Variants in UCN observed in about 807,000 individuals in gnomAD.
The protein encoded by UCN is urocortin, also known as prepro-urocortin.
Under a neutral mutation model 6.5 loss-of-function variants are expected in UCN, and 5 were observed. The ratio of observed to expected loss-of-function variants is 0.77; its 90% CI spans 0.40 to 1.62. The LOEUF (loss-of-function observed/expected upper bound fraction) is 1.62, where lower values mean the gene tolerates loss of function less well. Among genes scored for constraint, UCN ranks in the 40% most tolerant of loss-of-function variants. UCN has a pLI of 0.02. For missense variants in UCN, 195 were observed against 188.8 expected, an observed-to-expected ratio of 1.03 and a Z score of -0.19; for synonymous variants, 95 against 96.4, an observed-to-expected ratio of 0.99 and a Z score of 0.09.
Position 27,307,626 on chromosome 2 carries a change from G to A in UCN, c.270C>T (p.Asp90=). The A allele has an allele frequency of 6.2e-7, 1 of 1,612,332 alleles. No individual in the cohort carries two copies. The highest frequency in any genetic ancestry group is 8.5e-7 in the Non-Finnish European group (1 of 1,179,828). The stretch of plus-strand genomic sequence containing the variant: ...GGGTCCGCAGCAGGTGAAAGGTGAG[G>A]TCAATGGACAGAGAAGGGTTGTCCC... ...PRRDNPSLSI[D]LTFHLLRTLL... The change falls in exon 2 of 2, where the codon GAC becomes GAT. Residue 90 remains aspartate, a synonymous_variant. Transcript: ENST00000296099. This position sits in a 1 kb window ranked among gnomAD's most constrained non-coding sequence, Gnocchi z 6.9.
rs757696883 is a variant in UCN at position 27,307,739 on chromosome 2, C to T, written c.157G>A (p.Ala53Thr). The T allele has an allele frequency of 1.5e-5, 22 of 1,508,572 alleles. No individual in the cohort carries two copies. The African/African-American group carries it at 3.0e-4, about 21-fold the overall frequency. The allele number at this position is 1,508,572 out of a possible 1,614,324, so 93.4% of individuals were successfully genotyped here. A position where few individuals can be genotyped will look rare whatever the true frequency, so the allele number is the denominator to read the frequency against. ...GARNQGGGAR[A>T]LLLLLAERFP... ...CGCTCCGCCAGCAGCAAGAGGAGCG[C>T]GCGGGCCCCGCCACCCTGGTTCCGT... The change falls in exon 2 of 2, where the codon GCG (alanine) becomes ACG (threonine). Residue 53 changes from alanine (A) to threonine (T), a missense_variant. By Grantham distance (58) the Ala-to-Thr change is moderately conservative. Coordinates refer to ENST00000296099, the MANE Select transcript of UCN (RefSeq NM_003353.4). The surrounding 1 kb of genome is among the most constrained non-coding windows in gnomAD (Gnocchi z 6.9).
Position 27,308,061 on chromosome 2 carries a change from T to G in UCN, c.-14+99A>C. On this transcript the variant is annotated intron_variant, in intron 1 of 1. Transcript: ENST00000296099. This position sits in a 1 kb window ranked among gnomAD's most constrained non-coding sequence, Gnocchi z 4.2. ...CAGCCACTGCGCCAGTGCTGTTCCA[T>G]CCCTTCCACCCAGCCTCCCTCCCCG... 1.5e-6 allele frequency: 1 copy of G among 655,822 alleles called. No individual in the cohort carries two copies. 40.6% of individuals were successfully genotyped at this position (655,822 alleles called of 1,614,324 possible).
chr2:27,307,792 T>C lies in UCN; in HGVS notation c.104A>G (p.Asp35Gly). 1 of 1,510,044 alleles carries C rather than the reference T, an allele frequency of 6.6e-7. No individual in the cohort carries two copies. The allele number at this position is 1,510,044 out of a possible 1,614,324, so 93.5% of individuals were successfully genotyped here. A position where few individuals can be genotyped will look rare whatever the true frequency, so the allele number is the denominator to read the frequency against. Reference protein sequence around the residue: ...QRSPEAAGVQDPSLRWSPGAR... With the variant: ...QRSPEAAGVQGPSLRWSPGAR... ...CCCGGGGCTCCAGCGCAGACTCGGGTCCTGGACCCCGGCCGCCTCGGGGCT... is the reference window on the plus strand; with the variant it reads ...CCCGGGGCTCCAGCGCAGACTCGGGCCCTGGACCCCGGCCGCCTCGGGGCT... The change falls in exon 2 of 2, where the codon GAC (aspartate) becomes GGC (glycine). Residue 35 changes from aspartate (D) to glycine (G), a missense_variant. Physicochemically the swap from Asp to Gly is moderately conservative, Grantham distance 94. Coordinates refer to ENST00000296099, the MANE Select transcript of UCN (RefSeq NM_003353.4). This position sits in a 1 kb window ranked among gnomAD's most constrained non-coding sequence, Gnocchi z 6.9.
chr2:27,307,780 C>T lies in UCN; in HGVS notation c.116G>A (p.Arg39His). 1 of 1,512,148 alleles carries T rather than the reference C, an allele frequency of 6.6e-7. No homozygotes were observed. Among genetic ancestry groups the T allele is most frequent in the Non-Finnish European group, 8.8e-7 (1 of 1,133,932 alleles). 93.7% of individuals were successfully genotyped at this position (1,512,148 alleles called of 1,614,324 possible). Reference sequence around the variant, plus strand: ...CTGGTTCCGTGCCCCGGGGCTCCAGCGCAGACTCGGGTCCTGGACCCCGGC... The same window carrying T: ...CTGGTTCCGTGCCCCGGGGCTCCAGTGCAGACTCGGGTCCTGGACCCCGGC... Reference protein sequence around the residue: ...EAAGVQDPSLRWSPGARNQGG... With the variant: ...EAAGVQDPSLHWSPGARNQGG... The change falls in exon 2 of 2, where the codon CGC becomes CAC. Residue 39 changes from arginine (R) to histidine (H), a missense_variant. By Grantham distance (29) the Arg-to-His change is conservative (BLOSUM62 0). Transcript: ENST00000296099. This position sits in a 1 kb window ranked among gnomAD's most constrained non-coding sequence, Gnocchi z 6.9.
Position 27,307,864 on chromosome 2 carries a change from GCCAGCA to G in UCN, c.26_31del (p.Leu9_Ala11delinsPro). 1 of 1,488,694 alleles carries G rather than the reference GCCAGCA, an allele frequency of 6.7e-7. No individual in the cohort carries two copies. The highest frequency in any genetic ancestry group is 1.3e-5 in the South Asian group (1 of 79,328). 92.2% of individuals were successfully genotyped at this position (1,488,694 alleles called of 1,614,324 possible). A position where few individuals can be genotyped will look rare whatever the true frequency, so the allele number is the denominator to read the frequency against. Reference sequence around the variant, plus strand: ...CAGCTGTACCAGGAGCAGCAGCGCGGCCAGCAGCGCTGCGCGTCCCGCCTGCCTCAT... The same window carrying G: ...CAGCTGTACCAGGAGCAGCAGCGCGGGCGCTGCGCGTCCCGCCTGCCTCAT... On this transcript the variant is annotated inframe_deletion, in exon 2 of 2. Transcript: ENST00000296099. This position sits in a 1 kb window ranked among gnomAD's most constrained non-coding sequence, Gnocchi z 6.9.
rs1679282463 is a variant in UCN, at chr2:27,307,854, C to T, written c.42G>A (p.Leu14=). Residue 14 remains leucine (L), a synonymous_variant, in exon 2 of 2, where the codon CTG becomes CTA. Transcript: ENST00000296099. This position sits in a 1 kb window ranked among gnomAD's most constrained non-coding sequence, Gnocchi z 6.9. ...TCCCAGGGCACAGCTGTACCAGGAGCAGCAGCGCGGCCAGCAGCGCTGCGC... is the reference window on the plus strand; with the variant it reads ...TCCCAGGGCACAGCTGTACCAGGAGTAGCAGCGCGGCCAGCAGCGCTGCGC... The part of the protein sequence containing the change: ...AGRAALLAAL[L]LLVQLCPGSS... The T allele has an allele frequency of 6.7e-7, 1 of 1,493,228 alleles. No homozygotes were observed. Among genetic ancestry groups the T allele is most frequent in the Admixed American group, 2.2e-5 (1 of 44,748 alleles). 92.5% of individuals were successfully genotyped at this position (1,493,228 alleles called of 1,614,324 possible).
At position 27,307,744 on chromosome 2, in the gene UCN, G is replaced by A; in HGVS notation, c.152C>T (p.Ala51Val). The change falls in exon 2 of 2, where the codon GCC (alanine) becomes GTC (valine). Residue 51 changes from alanine (A) to valine (V), a missense_variant. Transcript: ENST00000296099. The surrounding 1 kb of genome is among the most constrained non-coding windows in gnomAD (Gnocchi z 6.9). ...SPGARNQGGG[A>V]RALLLLLAER... ...CGCCAGCAGCAAGAGGAGCGCGCGG[G>A]CCCCGCCACCCTGGTTCCGTGCCCC... 6.6e-7 allele frequency: 1 copy of A among 1,510,176 alleles called. No individual in the cohort carries two copies. The highest frequency in any genetic ancestry group is 1.3e-5 in the South Asian group (1 of 78,690). The allele number at this position is 1,510,176 out of a possible 1,614,324, so 93.5% of individuals were successfully genotyped here. A position where few individuals can be genotyped will look rare whatever the true frequency, so the allele number is the denominator to read the frequency against.
chr2:27,307,692 G>A lies in UCN; in HGVS notation c.204C>T (p.Pro68=), dbSNP rs1679271966. ...LAERFPRRAG[P]GRLGLGTAGE... ...CTGCCGTCCCGAGTCCCAATCGGCC[G>A]GGCCCCGCGCGGCGCGGGAAGCGCT... Residue 68 remains proline (P), a synonymous_variant, in exon 2 of 2, where the codon CCC becomes CCT. Transcript: ENST00000296099. This position sits in a 1 kb window ranked among gnomAD's most constrained non-coding sequence, Gnocchi z 6.9. 1.9e-6 allele frequency: 3 copies of A among 1,577,054 alleles called. No homozygotes were observed. Among genetic ancestry groups the A allele is most frequent in the East Asian group, 4.8e-5 (2 of 41,944 alleles).
Position 27,307,437 on chromosome 2 carries a change from A to G in UCN, c.*84T>C. 6.3e-7 allele frequency: 1 copy of G among 1,585,074 alleles called. No individual in the cohort carries two copies. The highest frequency in any genetic ancestry group is 8.6e-7 in the Non-Finnish European group (1 of 1,166,790). ...CTTTTATTAAAAAATAGTCACGCAGACAGTGCCCTGGTGGCTCTGCCCCGC... is the reference window on the plus strand; with the variant it reads ...CTTTTATTAAAAAATAGTCACGCAGGCAGTGCCCTGGTGGCTCTGCCCCGC... On this transcript the variant is annotated 3_prime_UTR_variant, in exon 2 of 2. Coordinates refer to ENST00000296099, the MANE Select transcript of UCN (RefSeq NM_003353.4). The surrounding 1 kb of genome is among the most constrained non-coding windows in gnomAD (Gnocchi z 6.9).
rs1679294914 is a variant in UCN, at chr2:27,308,157, C to T, written c.-14+3G>A. On this transcript the variant is annotated splice_donor_region_variant and intron_variant, in intron 1 of 1. Transcript: ENST00000296099. The surrounding 1 kb of genome is among the most constrained non-coding windows in gnomAD (Gnocchi z 4.2). The stretch of plus-strand genomic sequence containing the variant: ...GGCTGGGCGGACGCTCTGAGCCACT[C>T]ACAGGTTGTCGGCGAGCGTCTGTAC... 2 of 378,936 alleles carry T rather than the reference C, an allele frequency of 5.3e-6. No individual in the cohort carries two copies. The allele number at this position is 378,936 out of a possible 1,614,324, so 23.5% of individuals were successfully genotyped here.
rs1679300405 is a variant in UCN, at chr2:27,308,334, C to G, written c.-188G>C. 1 of 157,056 alleles carries G rather than the reference C, an allele frequency of 6.4e-6. No individual in the cohort carries two copies. Among genetic ancestry groups the G allele is most frequent in the Non-Finnish European group, 1.4e-5 (1 of 71,490 alleles). 9.7% of individuals were successfully genotyped at this position (157,056 alleles called of 1,614,324 possible). A position where few individuals can be genotyped will look rare whatever the true frequency, so the allele number is the denominator to read the frequency against. ...GAAGAACATGCACTGATTGTAGAAG[C>G]AATGACAGCCACAGCTTCGAGTCTG... On this transcript the variant is annotated 5_prime_UTR_variant, in exon 1 of 2. Transcript: ENST00000296099. The surrounding 1 kb of genome is among the most constrained non-coding windows in gnomAD (Gnocchi z 4.2).
rs928266197 is a variant in UCN at position 27,307,928 on chromosome 2, G to A, written c.-13-20C>T. The A allele has an allele frequency of 5.0e-6, 7 of 1,386,914 alleles. No homozygotes were observed. In the Admixed American group the frequency reaches 2.1e-4, roughly 41 times the overall value. 85.9% of individuals were successfully genotyped at this position (1,386,914 alleles called of 1,614,324 possible). ...CCGGCCCTGGACACACAGGGGCAGC[G>A]CAGGGTGAGGTGCGCCTGGGACAGC... On this transcript the variant is annotated intron_variant, in intron 1 of 1. Coordinates refer to ENST00000296099, the MANE Select transcript of UCN (RefSeq NM_003353.4). This position sits in a 1 kb window ranked among gnomAD's most constrained non-coding sequence, Gnocchi z 6.9.
Position 27,307,805 on chromosome 2 carries a change from C to T in UCN, c.91G>A (p.Ala31Thr). The change falls in exon 2 of 2, where the codon GCC (alanine) becomes ACC (threonine). Residue 31 changes from alanine (A) to threonine (T), a missense_variant. Transcript: ENST00000296099. This position sits in a 1 kb window ranked among gnomAD's most constrained non-coding sequence, Gnocchi z 6.9. ...CGCAGACTCGGGTCCTGGACCCCGG[C>T]CGCCTCGGGGCTCCTCTGGCTGCTC... ...PGSSQRSPEA[A>T]GVQDPSLRWS... is the part of the protein sequence containing the mutation. 1.3e-6 allele frequency: 2 copies of T among 1,507,270 alleles called. No homozygotes were observed. The highest frequency in any genetic ancestry group is 1.5e-5 in the African/African-American group (1 of 68,812). The allele number at this position is 1,507,270 out of a possible 1,614,324, so 93.4% of individuals were successfully genotyped here. A position where few individuals can be genotyped will look rare whatever the true frequency, so the allele number is the denominator to read the frequency against.
rs755079979 is a variant in UCN at position 27,307,620 on chromosome 2, G to A, written c.276C>T (p.Thr92=). 4.3e-6 allele frequency: 7 copies of A among 1,612,440 alleles called. No individual in the cohort carries two copies. The highest frequency in any genetic ancestry group is 5.9e-6 in the Non-Finnish European group (7 of 1,179,872). The change falls in exon 2 of 2, where the codon ACC becomes ACT. Residue 92 remains threonine, a synonymous_variant. Transcript: ENST00000296099. This position sits in a 1 kb window ranked among gnomAD's most constrained non-coding sequence, Gnocchi z 6.9. ...RDNPSLSIDL[T]FHLLRTLLEL... ...CCAGCAGGGTCCGCAGCAGGTGAAA[G>A]GTGAGGTCAATGGACAGAGAAGGGT...
chr2:27,307,890 C>T lies in UCN; in HGVS notation c.6G>A (p.Arg2=). The T allele has an allele frequency of 2.0e-6, 3 of 1,471,080 alleles. 1 individual carries two copies. The South Asian group carries it at 3.9e-5, about 19-fold the overall frequency. The allele number at this position is 1,471,080 out of a possible 1,614,324, so 91.1% of individuals were successfully genotyped here. ...CCAGCAGCGCTGCGCGTCCCGCCTG[C>T]CTCATGGTGCCGCCGGCCCTGGACA... is the stretch of plus-strand genomic sequence containing the variant. The part of the protein sequence containing the change: M[R]QAGRAALLAA... The change falls in exon 2 of 2, where the codon AGG becomes AGA. Residue 2 remains arginine (R), a synonymous_variant. Coordinates refer to ENST00000296099, the MANE Select transcript of UCN (RefSeq NM_003353.4). This position sits in a 1 kb window ranked among gnomAD's most constrained non-coding sequence, Gnocchi z 6.9.
Position 27,308,095 on chromosome 2 carries a change from T to C in UCN, c.-14+65A>G. Reference sequence around the variant, plus strand: ...CCCAGCCTCCCTCCCCGGAGGAGCGTGGTGGCTGAGCTGAGCGGAGTCCTG... The same window carrying C: ...CCCAGCCTCCCTCCCCGGAGGAGCGCGGTGGCTGAGCTGAGCGGAGTCCTG... On this transcript the variant is annotated intron_variant, in intron 1 of 1. Transcript: ENST00000296099. This position sits in a 1 kb window ranked among gnomAD's most constrained non-coding sequence, Gnocchi z 4.2. The C allele has an allele frequency of 5.8e-6, 3 of 515,560 alleles. No individual in the cohort carries two copies. The highest frequency in any genetic ancestry group is 9.2e-6 in the Non-Finnish European group (3 of 324,344). 31.9% of individuals were successfully genotyped at this position (515,560 alleles called of 1,614,324 possible). A position where few individuals can be genotyped will look rare whatever the true frequency, so the allele number is the denominator to read the frequency against.
Position 27,307,727 on chromosome 2 carries a change from G to T in UCN, c.169C>A (p.Leu57Met), listed in dbSNP as rs756662446. ...QGGGARALLLLLAERFPRRAG... is the reference protein window; with the variant it reads ...QGGGARALLLMLAERFPRRAG... Reference sequence around the variant, plus strand: ...CGGCGCGGGAAGCGCTCCGCCAGCAGCAAGAGGAGCGCGCGGGCCCCGCCA... The same window carrying T: ...CGGCGCGGGAAGCGCTCCGCCAGCATCAAGAGGAGCGCGCGGGCCCCGCCA... The change falls in exon 2 of 2, where the codon CTG becomes ATG. Residue 57 changes from leucine to methionine, a missense_variant. By Grantham distance (15) the Leu-to-Met change is conservative (BLOSUM62 2). Coordinates refer to ENST00000296099, the MANE Select transcript of UCN (RefSeq NM_003353.4). This position sits in a 1 kb window ranked among gnomAD's most constrained non-coding sequence, Gnocchi z 6.9. The T allele has an allele frequency of 2.0e-6, 3 of 1,518,984 alleles. No individual in the cohort carries two copies. The highest frequency in any genetic ancestry group is 1.3e-5 in the South Asian group (1 of 79,812). The allele number at this position is 1,518,984 out of a possible 1,614,324, so 94.1% of individuals were successfully genotyped here. A position where few individuals can be genotyped will look rare whatever the true frequency, so the allele number is the denominator to read the frequency against.
chr2:27,307,796 G>A lies in UCN; in HGVS notation c.100C>T (p.Gln34Ter). The A allele has an allele frequency of 6.6e-7, 1 of 1,509,252 alleles. No individual in the cohort carries two copies. Among genetic ancestry groups the A allele is most frequent in the Non-Finnish European group, 8.8e-7 (1 of 1,133,336 alleles). 93.5% of individuals were successfully genotyped at this position (1,509,252 alleles called of 1,614,324 possible). A position where few individuals can be genotyped will look rare whatever the true frequency, so the allele number is the denominator to read the frequency against. Residue 34 changes from glutamine to a stop codon, truncating the protein, a stop_gained, in exon 2 of 2, where the codon CAG (glutamine) becomes TAG (stop). Coordinates refer to ENST00000296099, the MANE Select transcript of UCN (RefSeq NM_003353.4). LOFTEE classifies it high-confidence loss of function. This position sits in a 1 kb window ranked among gnomAD's most constrained non-coding sequence, Gnocchi z 6.9. ...GGGCTCCAGCGCAGACTCGGGTCCT[G>A]GACCCCGGCCGCCTCGGGGCTCCTC... Reference protein sequence around the residue: ...SQRSPEAAGVQDPSLRWSPGA... With the variant: ...SQRSPEAAGV
chr2:27,308,022 C>T lies in UCN; in HGVS notation c.-13-114G>A. On this transcript the variant is annotated intron_variant, in intron 1 of 1. Transcript: ENST00000296099. This position sits in a 1 kb window ranked among gnomAD's most constrained non-coding sequence, Gnocchi z 4.2. ...CCGGCCGCCGCCCAATGCCCGCAGC[C>T]TGCCCTCCAGCCCCAGCCACTGCGC... The T allele has an allele frequency of 9.9e-7, 1 of 1,012,998 alleles. No individual in the cohort carries two copies. Among genetic ancestry groups the T allele is most frequent in the South Asian group, 2.6e-5 (1 of 38,628 alleles). The allele number at this position is 1,012,998 out of a possible 1,614,324, so 62.8% of individuals were successfully genotyped here.
Sources: gnomAD v4.1 joint callset for allele counts on GRCh38, gnomAD v4.1.1 for gene constraint, Gnocchi (gnomAD v3.1) non-coding constraint, MANE v1.5 for transcripts, NCBI Gene and HGNC (gene_info 2026-07-23, HGNC 2026-07-21) for gene names.